Variants in ISY1 observed in about 807,000 individuals in gnomAD.
ISY1 encodes ISY1 spliceosome associated protein.
In ISY1, 12 loss-of-function variants were observed where a neutral mutation model predicts 54.4. That is an observed-to-expected ratio of 0.22 (90% CI 0.14 to 0.36). ISY1 has a LOEUF of 0.36. ISY1 is among the 10% of genes least tolerant of loss of function. ISY1 has a pLI of 1.00. For synonymous variants in ISY1, 96 were observed against 117.9 expected, an observed-to-expected ratio of 0.81 and a Z score of 1.20; for missense variants, 282 against 342.2, an observed-to-expected ratio of 0.82 and a Z score of 1.39.
chr3:129,146,486 G>C (rs1300854321), intron 5 of ISY1, among the ~76,000 whole-genome samples: 1 of 152,068 alleles, frequency 6.6e-6, no homozygotes, highest in East Asian at 1.9e-4. Flanking sequence ...TATAACTTTT[G>C]AAAGGGACAA....
chr3:129,147,882 A>G (rs1205180157), intron 5 of ISY1, among the ~76,000 whole-genome samples: 1 of 152,168 alleles, frequency 6.6e-6, no homozygotes, highest in Non-Finnish European at 1.5e-5. Context: ...AAAATTATGC[A>G]GTATTTTGAG....
chr3:129,157,524 G>T lies in ISY1; in HGVS notation c.79-604C>A, dbSNP rs926844939. Reference sequence around the variant, plus strand: ...GCCTGAGGCCTGGAGTTTGAGACCAGTCTGGCCAACATGGTGAAACCCCAT... The same window carrying T: ...GCCTGAGGCCTGGAGTTTGAGACCATTCTGGCCAACATGGTGAAACCCCAT... On this transcript the variant is annotated intron_variant, in intron 3 of 10. Transcript: ENST00000393295. Among the ~76,000 whole-genome samples the T allele has an allele frequency of 2.6e-5, 4 of 151,968 alleles. No homozygotes were observed. In the East Asian group the frequency reaches 7.7e-4, roughly 29 times the overall value.
At position 129,159,128 on chromosome 3, in the gene ISY1, A is replaced by G. The variant is rs780706653; in HGVS notation, c.26+26T>C. 1.3e-5 allele frequency: 21 copies of G among 1,603,380 alleles called. No individual in the cohort carries two copies. In the Admixed American group the frequency reaches 3.4e-4, roughly 26 times the overall value. On this transcript the variant is annotated intron_variant, in intron 2 of 10. Coordinates refer to ENST00000393295, the MANE Select transcript of ISY1 (RefSeq NM_020701.4). ...GTGGTTTTTAAGTTACAAAAAATTT[A>G]CAGCCAAAAACAAGTTGATACTTAC...
chr3:129,147,980 T>G (rs1936824929), intron 5 of ISY1, among the ~76,000 whole-genome samples: 1 of 152,082 alleles, frequency 6.6e-6, no homozygotes, highest in Admixed American at 6.6e-5. Flanking sequence ...TGTTTTAATT[T>G]TATTTACTTT....
At chr3:129,150,698 C>CA (rs1169762847) in intron 5 of ISY1, among the ~76,000 whole-genome samples, 1 of 151,616 alleles carries the variant, frequency 6.6e-6, no homozygotes, top group East Asian at 1.9e-4. Context: ...GACTCCATCT[C>CA]AAAAAAATAA....
At chr3:129,132,540 C>A (rs970092545) in intron 9 of ISY1, among the ~76,000 whole-genome samples, 3 of 152,134 alleles carry the variant, frequency 2.0e-5, no homozygotes, top group Non-Finnish European at 4.4e-5. Flanking sequence ...CTCCTCCTTC[C>A]TTGGTTAAGT....
intron 6 of ISY1, among the ~76,000 whole-genome samples, chr3:129,142,095 C>G (rs1157761341): frequency 6.6e-6 from 1 of 151,584 alleles, no homozygotes; most frequent in Non-Finnish European, 1.5e-5. Flanking sequence ...ATTCCAGCTA[C>G]TTGGGAGGCT....
chr3:129,144,521 G>A (rs1030627468), intron 6 of ISY1, among the ~76,000 whole-genome samples: 15 of 152,206 alleles, frequency 9.9e-5, no homozygotes, highest in Admixed American at 6.5e-4. Context: ...AGTGATCTGA[G>A]GTAGGTCTCA....
At chr3:129,159,019 T>C (rs1453684924) in intron 2 of ISY1, 135 bp downstream of exon 2, 1 of 1,181,162 alleles carries the variant, frequency 8.5e-7, no homozygotes, top group African/African-American at 1.6e-5. Flanking sequence ...TTTGCATATG[T>C]AAGAACATAA....
chr3:129,132,262 C>T (rs562881963), intron 9 of ISY1, among the ~76,000 whole-genome samples: 161 of 152,328 alleles, frequency 1.1e-3, no homozygotes, highest in African/African-American at 3.7e-3. Context: ...ACATGAGATA[C>T]AACCACTGGG....
chr3:129,160,918 G>GCCCCCCACCCCC, intron 1 of ISY1, 55 bp downstream of exon 1: 1 of 666,128 alleles, frequency 1.5e-6, no homozygotes, highest in Non-Finnish European at 2.7e-6. Flanking sequence ...TGGACTGGGC[G>GCCCCCCACCCCC]CCCCCCCGCC....
rs1486544476 is a variant in ISY1 at position 129,128,037 on chromosome 3, T to G, written c.*2044A>C. 6.6e-6 allele frequency: 1 copy of G among 152,346 alleles called. No individual in the cohort carries two copies. The highest frequency in any genetic ancestry group is 1.5e-5 in the Non-Finnish European group (1 of 68,152). The allele number at this position is 152,346 out of a possible 1,614,324, so 9.4% of individuals were successfully genotyped here. ...GGGTCAGTCTGTCCCTAGGGCCCTC[T>G]GAGGCCTCTGCCCAAACCACAGGAC... On this transcript the variant is annotated 3_prime_UTR_variant, in exon 11 of 11. Coordinates refer to ENST00000393295, the MANE Select transcript of ISY1 (RefSeq NM_020701.4).
intron 1 of ISY1, 55 bp downstream of exon 1, chr3:129,160,918 G>A: frequency 1.5e-6 from 1 of 666,126 alleles, no homozygotes; most frequent in Non-Finnish European, 2.7e-6. Flanking sequence ...TGGACTGGGC[G>A]CCCCCCCGCC....
At chr3:129,149,638 C>CATATATATATATATATATATATAT (rs1936891234) in intron 5 of ISY1, among the ~76,000 whole-genome samples, 2 of 74,718 alleles carry the variant, frequency 2.7e-5, no homozygotes, top group East Asian at 3.9e-4. Context: ...TATATATATA[C>CATATATATATATATATATATATAT]ACAAAAAAAA....
At chr3:129,130,701 T>TA (rs1491204818) in intron 9 of ISY1, 65 bp from the exon 10 acceptor site, 1 of 1,549,008 alleles carries the variant, frequency 6.5e-7, no homozygotes, top group Non-Finnish European at 8.9e-7. Context: ...GGCAACTCTA[T>TA]AAAACACACT....
At chr3:129,155,203 TTG>T in intron 5 of ISY1, among the ~76,000 whole-genome samples, 1 of 145,082 alleles carries the variant, frequency 6.9e-6, no homozygotes, top group East Asian at 1.9e-4. Context: ...TATGTATTTT[TTG>T]TTTGTTTGTT....
chr3:129,151,415 G>A (rs1936966150), intron 5 of ISY1, among the ~76,000 whole-genome samples: 1 of 151,562 alleles, frequency 6.6e-6, no homozygotes, highest in African/African-American at 2.4e-5. Context: ...GATCACCTGA[G>A]GTTGGGAGTT....
intron 9 of ISY1, 25 bp downstream of exon 9, chr3:129,134,049 T>C: frequency 1.2e-6 from 2 of 1,613,388 alleles, no homozygotes; most frequent in Non-Finnish European, 1.7e-6. Flanking sequence ...TGGCAGTGAG[T>C]GCCAGAGGGG....
chr3:129,155,113 T>G (rs1355104961), intron 5 of ISY1, among the ~76,000 whole-genome samples: 12 of 151,976 alleles, frequency 7.9e-5, no homozygotes. Context: ...TAATTTGCTC[T>G]TCTTTTCTAA....
Sources: allele counts gnomAD v4.1 joint callset (sites outside exome capture counted in the v4.1 genomes callset), GRCh38; gene constraint gnomAD v4.1.1; transcripts MANE v1.5; gene names NCBI Gene and HGNC (gene_info 2026-07-23, HGNC 2026-07-21).